STK39: variants seen among roughly 807,000 people sequenced by gnomAD.
The protein encoded by STK39 is serine/threonine kinase 39, also known as STE20/SPS1-related proline-alanine-rich protein kinase.
A neutral mutation model predicts 77.8 loss-of-function variants in STK39; 20 were observed. That is an observed-to-expected ratio of 0.26 (90% CI 0.18 to 0.37). STK39 has a LOEUF of 0.37. Ranked by LOEUF, STK39 falls within the 10% of genes least tolerant of loss-of-function variation. STK39 has a pLI of 1.00. For missense variants in STK39, 479 were observed against 656.5 expected (o/e 0.73, Z 2.95); for synonymous variants, 246 against 234.1 (o/e 1.05, Z -0.47).
chr2:168,205,087 A>G lies in STK39; in HGVS notation c.209-22997T>C, dbSNP rs192657778. ...AGATGAACAGGTAAGTGATAAAGCA[A>G]GTATGGTAAATATTAATGGTAGAAT... On this transcript the variant is annotated intron_variant, in intron 1 of 17. Transcript: ENST00000355999. Among the ~76,000 whole-genome samples, 163 of 152,364 alleles carry G rather than the reference A, an allele frequency of 1.1e-3. 1 individual carries two copies. Among genetic ancestry groups the G allele is most frequent in the African/African-American group, 3.5e-3 (146 of 41,588 alleles).
intron 1 of STK39, among the ~76,000 whole-genome samples, chr2:168,189,489 T>C (rs1017850530): frequency 6.6e-6 from 1 of 151,982 alleles, no homozygotes; most frequent in African/African-American, 2.4e-5. Flanking sequence ...GGATACCTAA[T>C]ATAAAGAAAT....
intron 10 of STK39, among the ~76,000 whole-genome samples, chr2:168,108,328 G>A (rs777875151): frequency 1.3e-5 from 2 of 152,150 alleles, no homozygotes; most frequent in South Asian, 2.1e-4. Flanking sequence ...TGGGAAGATC[G>A]CTTGAGCCCG....
At chr2:168,008,714 T>G (rs1684195060) in intron 16 of STK39, among the ~76,000 whole-genome samples, 2 of 151,844 alleles carry the variant, frequency 1.3e-5, no homozygotes, top group Admixed American at 1.3e-4. Context: ...ACATCAAGAT[T>G]TATAGGTTAG....
intron 1 of STK39, among the ~76,000 whole-genome samples, chr2:168,210,181 T>A (rs1689856016): frequency 6.6e-6 from 1 of 152,188 alleles, no homozygotes; most frequent in African/African-American, 2.4e-5. Context: ...GGCATATATG[T>A]GCTTACTTCT....
intron 1 of STK39, among the ~76,000 whole-genome samples, chr2:168,215,579 C>G (rs750334277): frequency 6.6e-6 from 1 of 152,144 alleles, no homozygotes; most frequent in Non-Finnish European, 1.5e-5. Context: ...GTCACCTGCT[C>G]AAATACAGTG....
At chr2:168,076,173 TTCCA>T (rs1260319513) in intron 10 of STK39, among the ~76,000 whole-genome samples, 1 of 152,166 alleles carries the variant, frequency 6.6e-6, no homozygotes, top group East Asian at 1.9e-4. Context: ...GAAAGGGAGC[TTCCA>T]GACAATCTAG....
At chr2:168,198,546 A>G (rs1319994093) in intron 1 of STK39, among the ~76,000 whole-genome samples, 2 of 152,240 alleles carry the variant, frequency 1.3e-5, no homozygotes, top group Admixed American at 1.3e-4. Flanking sequence ...CCAAGTAAGT[A>G]AAAAAGAAAT....
chr2:168,116,732 A>C (rs2105480263), intron 10 of STK39, among the ~76,000 whole-genome samples: 1 of 152,264 alleles, frequency 6.6e-6, no homozygotes, highest in East Asian at 1.9e-4. Context: ...CCCACAGATG[A>C]TAGAACCCTT....
At chr2:168,242,300 C>T (rs1034522610) in intron 1 of STK39, among the ~76,000 whole-genome samples, 3 of 152,010 alleles carry the variant, frequency 2.0e-5, no homozygotes, top group Non-Finnish European at 4.4e-5. Context: ...CAGTGACTCA[C>T]GCTGTAATCC....
chr2:168,172,468 T>C (rs770933066), intron 2 of STK39, among the ~76,000 whole-genome samples: 2 of 152,218 alleles, frequency 1.3e-5, no homozygotes, highest in Non-Finnish European at 2.9e-5. Context: ...CTTGTCATAC[T>C]TCATGTATCC....
chr2:168,181,897 C>G, intron 2 of STK39, 81 bp downstream of exon 2: 1 of 1,217,058 alleles, frequency 8.2e-7, no homozygotes, highest in Non-Finnish European at 1.2e-6. Context: ...GGAGATAACA[C>G]CTTGCTCTTC....
At chr2:168,171,869 C>CCCCCCCT (rs1688837541) in intron 2 of STK39, among the ~76,000 whole-genome samples, 1 of 124,402 alleles carries the variant, frequency 8.0e-6, no homozygotes, top group African/African-American at 3.3e-5. Context: ...CCCTCCCCCC[C>CCCCCCCT]ACACACAAAA....
intron 10 of STK39, among the ~76,000 whole-genome samples, chr2:168,125,563 A>G (rs1687519538): frequency 6.6e-6 from 1 of 152,172 alleles, no homozygotes; most frequent in Non-Finnish European, 1.5e-5. Flanking sequence ...ATCTTATATT[A>G]CCCTTCACCA....
At chr2:168,131,197 T>C (rs920931190) in intron 8 of STK39, among the ~76,000 whole-genome samples, 2 of 152,182 alleles carry the variant, frequency 1.3e-5, no homozygotes, top group Non-Finnish European at 2.9e-5. Flanking sequence ...TTATAGAAAA[T>C]GTGAATACTT....
intron 10 of STK39, among the ~76,000 whole-genome samples, chr2:168,103,420 C>T (rs1336564849): frequency 2.6e-5 from 4 of 152,226 alleles, no homozygotes; most frequent in East Asian, 1.9e-4. Flanking sequence ...CGGACCCTTT[C>T]ATTAGACTGT....
chr2:168,114,367 C>T (rs1687203191), intron 10 of STK39, among the ~76,000 whole-genome samples: 1 of 152,202 alleles, frequency 6.6e-6, no homozygotes, highest in Non-Finnish European at 1.5e-5. Flanking sequence ...TACACAACTC[C>T]TTCCTTACAA....
intron 4 of STK39, among the ~76,000 whole-genome samples, chr2:168,162,886 GCAT>G (rs1553536751): frequency 6.6e-6 from 1 of 151,850 alleles, no homozygotes; most frequent in Non-Finnish European, 1.5e-5. Context: ...AATTAGCCAG[GCAT>G]GGTGCCGCAT....
intron 5 of STK39, among the ~76,000 whole-genome samples, chr2:168,141,797 G>T (rs919098617): frequency 2.0e-5 from 3 of 152,164 alleles, no homozygotes; most frequent in Non-Finnish European, 2.9e-5. Flanking sequence ...CTGTCAGGGT[G>T]ACAGCAATTA....
At chr2:168,084,226 G>C (rs931897836) in intron 10 of STK39, among the ~76,000 whole-genome samples, 5 of 152,184 alleles carry the variant, frequency 3.3e-5, no homozygotes, top group Admixed American at 6.5e-5. Context: ...TCTGAAAGCA[G>C]AGCAGAGGAT....
Sources: allele counts gnomAD v4.1 joint callset (sites outside exome capture counted in the v4.1 genomes callset), GRCh38; gene constraint gnomAD v4.1.1; transcripts MANE v1.5; gene names NCBI Gene and HGNC (gene_info 2026-07-23, HGNC 2026-07-21).